The following ADAMTS6 variants were observed in gnomAD, a reference collection of about 807,000 sequenced individuals.
ADAMTS6 encodes ADAM metallopeptidase with thrombospondin type 1 motif 6, also known as A disintegrin and metalloproteinase with thrombospondin motifs 6.
ADAMTS6 carries 23 observed loss-of-function variants against 144.3 expected under a neutral mutation model. The ratio of observed to expected loss-of-function variants is 0.16; its 90% CI spans 0.11 to 0.23. ADAMTS6 has a LOEUF of 0.23. Ranked by LOEUF, ADAMTS6 falls within the 10% of genes least tolerant of loss-of-function variation. The pLI, the probability that ADAMTS6 is intolerant of heterozygous loss-of-function variation, is 1.00. For missense variants in ADAMTS6, 999 were observed against 1,379.6 expected, an observed-to-expected ratio of 0.72 and a Z score of 4.37; for synonymous variants, 444 against 457.5, an observed-to-expected ratio of 0.97 and a Z score of 0.38.
rs111952080 is a variant in ADAMTS6 at position 65,340,580 on chromosome 5, C to T, written c.1074-6495G>A. 8.6e-3 allele frequency among the ~76,000 whole-genome samples: 1,296 copies of T among 151,550 alleles called. 17 individuals carry two copies. Among genetic ancestry groups the T allele is most frequent in the African/African-American group, 0.029 (1,218 of 41,354 alleles). The stretch of plus-strand genomic sequence containing the variant: ...ATAAACCAAATAACTGGAAAATGAT[C>T]GATAAAATTACAGGAATAAATTCTT... On this transcript the variant is annotated intron_variant, in intron 7 of 24. Transcript: ENST00000381055.
At chr5:65,315,675 A>C (rs1405733961) in intron 9 of ADAMTS6, among the ~76,000 whole-genome samples, 1 of 152,132 alleles carries the variant, frequency 6.6e-6, no homozygotes, top group Non-Finnish European at 1.5e-5. Context: ...TGCTAACACT[A>C]ATCTAAAGAA....
intron 7 of ADAMTS6, among the ~76,000 whole-genome samples, chr5:65,364,564 CTTT>C (rs1245835544): frequency 0.051 from 6,054 of 117,792 alleles, 407 homozygotes; most frequent in African/African-American, 0.19. Context: ...GAATTTCTTT[CTTT>C]TTTTTTTTTT....
At chr5:65,309,445 T>C in intron 9 of ADAMTS6, among the ~76,000 whole-genome samples, 1 of 89,128 alleles carries the variant, frequency 1.1e-5, no homozygotes, top group Non-Finnish European at 2.1e-5. Context: ...CAGGCAGTAA[T>C]GTGGGCAATG....
chr5:65,235,983 ACTT>A (rs1489076760), intron 15 of ADAMTS6, among the ~76,000 whole-genome samples: 2 of 152,228 alleles, frequency 1.3e-5, no homozygotes, highest in African/African-American at 4.8e-5. Context: ...TATTTCAGAC[ACTT>A]CTTCTTCTCC....
chr5:65,309,549 G>A (rs970000812), intron 9 of ADAMTS6, among the ~76,000 whole-genome samples: 1 of 151,330 alleles, frequency 6.6e-6, no homozygotes, highest in African/African-American at 2.4e-5. Context: ...CCACTGTGCG[G>A]CCCAGTTCCT....
chr5:65,194,465 T>G (rs542533056), intron 21 of ADAMTS6, among the ~76,000 whole-genome samples: 2 of 152,354 alleles, frequency 1.3e-5, no homozygotes, highest in Admixed American at 6.5e-5. Context: ...TACGGTGCAC[T>G]GGGCTATGCT....
intron 7 of ADAMTS6, among the ~76,000 whole-genome samples, chr5:65,408,184 A>G (rs1754732897): frequency 6.6e-6 from 1 of 152,244 alleles, no homozygotes; most frequent in Non-Finnish European, 1.5e-5. Flanking sequence ...AAATGCTCCA[A>G]TTAAAAGACA....
chr5:65,340,597 T>C (rs1255943417), intron 7 of ADAMTS6, among the ~76,000 whole-genome samples: 1 of 151,868 alleles, frequency 6.6e-6, no homozygotes. Context: ...ATTACAGGAA[T>C]AAATTCTTAT....
At chr5:65,291,208 A>G in intron 11 of ADAMTS6, 121 bp downstream of exon 11, 5 of 1,206,088 alleles carry the variant, frequency 4.1e-6, no homozygotes, top group Non-Finnish European at 4.5e-6. Context: ...CAGTGTCAAA[A>G]GCCATATTTA....
intron 2 of ADAMTS6, 125 bp from the exon 3 acceptor site, chr5:65,471,267 G>T: frequency 1.1e-6 from 1 of 939,488 alleles, no homozygotes; most frequent in Non-Finnish European, 1.5e-6. Context: ...CATTATATGT[G>T]AGGTATGTAC....
At chr5:65,199,074 A>G (rs1427417516) in intron 20 of ADAMTS6, among the ~76,000 whole-genome samples, 4 of 152,012 alleles carry the variant, frequency 2.6e-5, no homozygotes, top group Non-Finnish European at 5.9e-5. Flanking sequence ...TCCTGGTTCA[A>G]TATTTTGCCT....
intron 7 of ADAMTS6, among the ~76,000 whole-genome samples, chr5:65,339,090 A>T (rs1747582346): frequency 6.6e-6 from 1 of 152,174 alleles, no homozygotes; most frequent in Admixed American, 6.5e-5. Flanking sequence ...CGATGGCCCT[A>T]AACCTAGTGA....
At chr5:65,309,330 T>A (rs1744247123) in intron 9 of ADAMTS6, among the ~76,000 whole-genome samples, 1 of 152,012 alleles carries the variant, frequency 6.6e-6, no homozygotes, top group Non-Finnish European at 1.5e-5. Context: ...GGCATTAGAT[T>A]CTCAGAAAGA....
chr5:65,468,108 T>C (rs1418338196), intron 3 of ADAMTS6, among the ~76,000 whole-genome samples: 1 of 152,122 alleles, frequency 6.6e-6, no homozygotes, highest in Admixed American at 6.5e-5. Context: ...CACAGCAAAT[T>C]AAAATATGAC....
At position 65,422,536 on chromosome 5, in the gene ADAMTS6, C is replaced by T. The variant is rs141680053; in HGVS notation, c.1073+28939G>A. 7.1e-3 allele frequency among the ~76,000 whole-genome samples: 1,088 copies of T among 152,228 alleles called. 13 individuals are homozygous for T. Among genetic ancestry groups the T allele is most frequent in the African/African-American group, 0.025 (1,022 of 41,536 alleles). On this transcript the variant is annotated intron_variant, in intron 7 of 24. Coordinates refer to ENST00000381055, the MANE Select transcript of ADAMTS6 (RefSeq NM_197941.4). ...ACTCAGGAGGCTAAGGCAGGAGAAT[C>T]GCTTGAACCCAGGAGGCGGAGGTTG... is the stretch of plus-strand genomic sequence containing the variant.
chr5:65,280,127 A>AT (rs1046481499), intron 11 of ADAMTS6, among the ~76,000 whole-genome samples: 11 of 152,154 alleles, frequency 7.2e-5, no homozygotes, highest in African/African-American at 2.2e-4. Context: ...TATGGGAGCC[A>AT]TTTTTTGCCT....
rs995900814 is a variant in ADAMTS6, at chr5:65,149,428, T to G, written c.*2408A>C. ...GTTTCATCCTGTTACATTCTGTGCG[T>G]GGCTCCCTCTAGAAAGGCACTCTGA... On this transcript the variant is annotated 3_prime_UTR_variant, in exon 25 of 25. Coordinates refer to ENST00000381055, the MANE Select transcript of ADAMTS6 (RefSeq NM_197941.4). 6.6e-6 allele frequency: 1 copy of G among 152,294 alleles called. No homozygotes were observed. Among genetic ancestry groups the G allele is most frequent in the African/African-American group, 2.4e-5 (1 of 41,472 alleles). The allele number at this position is 152,294 out of a possible 1,614,324, so 9.4% of individuals were successfully genotyped here. A position where few individuals can be genotyped will look rare whatever the true frequency, so the allele number is the denominator to read the frequency against.
At chr5:65,312,584 C>G (rs1744601655) in intron 9 of ADAMTS6, among the ~76,000 whole-genome samples, 1 of 151,976 alleles carries the variant, frequency 6.6e-6, no homozygotes, top group Non-Finnish European at 1.5e-5. Context: ...ATTCAAGATA[C>G]TGAACTTAGG....
chr5:65,311,036 C>G (rs912451448), intron 9 of ADAMTS6, among the ~76,000 whole-genome samples: 2 of 151,954 alleles, frequency 1.3e-5, no homozygotes, highest in Non-Finnish European at 2.9e-5. Context: ...CAGGATAAGA[C>G]TTTTGTTTTC....
Sources: gnomAD v4.1 joint callset for allele counts (sites outside exome capture counted in the v4.1 genomes callset) on GRCh38, gnomAD v4.1.1 for gene constraint, MANE v1.5 for transcripts, NCBI Gene and HGNC (gene_info 2026-07-23, HGNC 2026-07-21) for gene names.